The following SLC38A9 variants were observed in gnomAD, a reference collection of about 807,000 sequenced individuals.
The protein encoded by SLC38A9 is solute carrier family 38 member 9.
In SLC38A9, 48 loss-of-function variants were observed where a neutral mutation model predicts 62.3. The ratio of observed to expected loss-of-function variants is 0.77; its 90% CI spans 0.61 to 0.98. The LOEUF is 0.98. Among genes scored for constraint, SLC38A9 ranks in the 50% least tolerant of loss-of-function variants. The pLI, the probability that SLC38A9 is intolerant of heterozygous loss-of-function variation, is 0.00. For missense variants in SLC38A9, 541 were observed against 679.8 expected (o/e 0.80, Z 2.27); for synonymous variants, 204 against 227.7 (o/e 0.90, Z 0.94).
intron 3 of SLC38A9, among the ~76,000 whole-genome samples, chr5:55,676,278 T>G (rs1752065469): frequency 6.6e-6 from 1 of 152,192 alleles, no homozygotes; most frequent in South Asian, 2.1e-4. Context: ...CAAGCAACTT[T>G]CCTGCCTCAG....
intron 15 of SLC38A9, among the ~76,000 whole-genome samples, chr5:55,627,342 T>C (rs889896853): frequency 1.3e-5 from 2 of 152,126 alleles, no homozygotes; most frequent in Non-Finnish European, 2.9e-5. Context: ...TAAATCCCAA[T>C]TTCCCATGAG....
At chr5:55,682,088 A>G (rs1753103341) in intron 3 of SLC38A9, among the ~76,000 whole-genome samples, 2 of 152,164 alleles carry the variant, frequency 1.3e-5, no homozygotes, top group African/African-American at 4.8e-5. Context: ...CGGGCAAAGG[A>G]GATGAATGAG....
At chr5:55,639,306 A>G (rs1580108614) in intron 12 of SLC38A9, among the ~76,000 whole-genome samples, 1 of 151,482 alleles carries the variant, frequency 6.6e-6, no homozygotes, top group Non-Finnish European at 1.5e-5. Flanking sequence ...AATAGAAATG[A>G]TATCCCATTT....
intron 3 of SLC38A9, among the ~76,000 whole-genome samples, chr5:55,685,526 T>G (rs1326837575): frequency 6.6e-6 from 1 of 152,232 alleles, no homozygotes; most frequent in African/African-American, 2.4e-5. Flanking sequence ...TTTTTAATTC[T>G]CTGGATAGAT....
In SLC38A9 at chr5:55,672,710, T is replaced by C. The variant is rs766105968; in HGVS notation, c.114-15A>G. On this transcript the variant is annotated splice_polypyrimidine_tract_variant and intron_variant, in intron 3 of 15. Coordinates refer to ENST00000396865, the MANE Select transcript of SLC38A9 (RefSeq NM_173514.4). ...TACAGAAAGGCCTACAAAGGGAATA[T>C]ACACTTGACAAAAAGTGTTCAGCCA... 5 of 1,597,134 alleles carry C rather than the reference T, an allele frequency of 3.1e-6. No homozygotes were observed. The highest frequency in any genetic ancestry group is 3.6e-4 in the Middle Eastern group (2 of 5,510).
chr5:55,666,722 C>T (rs1231009077), intron 7 of SLC38A9, among the ~76,000 whole-genome samples: 1 of 151,534 alleles, frequency 6.6e-6, no homozygotes, highest in African/African-American at 2.4e-5. Context: ...GGCGAAACAC[C>T]ATCTCTACAA....
Position 55,669,788 on chromosome 5 carries a change from C to G in SLC38A9, c.338G>C (p.Gly113Ala), listed in dbSNP as rs752417345. 12 of 1,613,878 alleles carry G rather than the reference C, an allele frequency of 7.4e-6. No homozygotes were observed. Among genetic ancestry groups the G allele is most frequent in the Non-Finnish European group, 9.3e-6 (11 of 1,179,926 alleles). The stretch of plus-strand genomic sequence containing the variant: ...TACTAAACTGGTGTTTTTACCGTAT[C>G]CTTCAGTGTAACTTTGAAGTTTATA... The part of the protein sequence containing the change: ...SAYKLQSYTE[G>A]YGKNTSLVTI... The change falls in exon 5 of 16, where the codon GGA (glycine) becomes GCA (alanine). Residue 113 changes from glycine to alanine, a missense_variant. Physicochemically the swap from Gly to Ala is moderately conservative, Grantham distance 60. Coordinates refer to ENST00000396865, the MANE Select transcript of SLC38A9 (RefSeq NM_173514.4).
intron 3 of SLC38A9, among the ~76,000 whole-genome samples, chr5:55,676,049 T>G (rs1025477239): frequency 6.6e-6 from 1 of 152,138 alleles, no homozygotes; most frequent in Non-Finnish European, 1.5e-5. Flanking sequence ...AAAGTCAAGA[T>G]AGTGGTCATC....
intron 2 of SLC38A9, among the ~76,000 whole-genome samples, chr5:55,709,199 GT>G (rs1158328080): frequency 2.6e-5 from 4 of 152,056 alleles, no homozygotes; most frequent in African/African-American, 9.7e-5. Flanking sequence ...GGATAGTGTG[GT>G]CTCACAAAAA....
chr5:55,673,791 A>T lies in SLC38A9; in HGVS notation c.114-1096T>A, dbSNP rs188285457. Among the ~76,000 whole-genome samples the T allele has an allele frequency of 6.4e-3, 946 of 148,894 alleles. 11 individuals carry two copies. The highest frequency in any genetic ancestry group is 0.023 in the African/African-American group (917 of 40,212). ...CAGTGGTGCGATCTCGGCTCACTGC[A>T]ACCTCCACCTCCTGAGTTCAAGCAA... is the stretch of plus-strand genomic sequence containing the variant. On this transcript the variant is annotated intron_variant, in intron 3 of 15. Transcript: ENST00000396865.
chr5:55,705,377 A>C (rs1188776162), intron 2 of SLC38A9, among the ~76,000 whole-genome samples: 10 of 148,696 alleles, frequency 6.7e-5, no homozygotes, highest in Non-Finnish European at 4.4e-5. Context: ...AATGTTTTAC[A>C]TGTTATTGTT....
chr5:55,662,061 A>G (rs545253949), intron 8 of SLC38A9, among the ~76,000 whole-genome samples: 2 of 152,328 alleles, frequency 1.3e-5, no homozygotes, highest in Non-Finnish European at 2.9e-5. Flanking sequence ...AAGTAGTACA[A>G]GCATGATAAA....
intron 11 of SLC38A9, among the ~76,000 whole-genome samples, chr5:55,648,907 C>A (rs1185171898): frequency 6.6e-6 from 1 of 152,084 alleles, no homozygotes; most frequent in Non-Finnish European, 1.5e-5. Flanking sequence ...AACCACAAAA[C>A]CACAATGTAA....
At chr5:55,693,778 G>A (rs1755053524) in intron 3 of SLC38A9, among the ~76,000 whole-genome samples, 1 of 152,122 alleles carries the variant, frequency 6.6e-6, no homozygotes, top group African/African-American at 2.4e-5. Flanking sequence ...ATCACTGCCA[G>A]AGCCAGGCGT....
At chr5:55,666,274 G>T (rs774110794) in intron 7 of SLC38A9, among the ~76,000 whole-genome samples, 12 of 152,066 alleles carry the variant, frequency 7.9e-5, no homozygotes, top group Non-Finnish European at 1.5e-5. Flanking sequence ...TCCATGATAG[G>T]ATTATTATAT....
chr5:55,699,245 A>G (rs1756329207), intron 2 of SLC38A9, among the ~76,000 whole-genome samples: 1 of 152,148 alleles, frequency 6.6e-6, no homozygotes, highest in Admixed American at 6.6e-5. Flanking sequence ...ACAGAGCTAG[A>G]CTCATCTCAA....
At chr5:55,644,600 T>G (rs1223042531) in intron 12 of SLC38A9, among the ~76,000 whole-genome samples, 1 of 152,070 alleles carries the variant, frequency 6.6e-6, no homozygotes, top group Non-Finnish European at 1.5e-5. Flanking sequence ...TTTTGTATTT[T>G]TAGTAGAGAC....
intron 8 of SLC38A9, 84 bp from the exon 9 acceptor site, chr5:55,656,858 A>ATAT: frequency 6.1e-6 from 3 of 491,106 alleles, no homozygotes; most frequent in Non-Finnish European, 8.9e-6. Flanking sequence ...ATTTATAAAA[A>ATAT]TCTTTTTTTT....
chr5:55,669,555 A>G lies in SLC38A9; in HGVS notation c.432+2T>C. On this transcript the variant is annotated splice_donor_variant, in intron 6 of 15. Coordinates refer to ENST00000396865, the MANE Select transcript of SLC38A9 (RefSeq NM_173514.4). LOFTEE classifies it high-confidence loss of function. ...AAAAGTGTGCTGAAAAATTAGTATT[A>G]CCTGTTTTATGCCCCAAGGAATGCT... The G allele has an allele frequency of 1.2e-6, 2 of 1,602,592 alleles. No individual in the cohort carries two copies. The highest frequency in any genetic ancestry group is 8.5e-7 in the Non-Finnish European group (1 of 1,174,680).
Sources: allele counts gnomAD v4.1 joint callset (sites outside exome capture counted in the v4.1 genomes callset), GRCh38; gene constraint gnomAD v4.1.1; transcripts MANE v1.5; gene names NCBI Gene and HGNC (gene_info 2026-07-23, HGNC 2026-07-21).